The following EPHA5 variants were observed in gnomAD, a reference collection of about 807,000 sequenced individuals.
EPHA5 encodes EPH receptor A5, also known as ephrin type-A receptor 5.
In EPHA5, 60 loss-of-function variants were observed where a neutral mutation model predicts 105.0. The observed-to-expected ratio is 0.57, with a 90% CI of 0.46 to 0.71. The LOEUF is 0.71. Ranked by LOEUF, EPHA5 falls within the 30% of genes least tolerant of loss-of-function variation. The pLI is 0.00. For missense variants in EPHA5, 1,218 were observed against 1,274.7 expected (o/e 0.96, Z 0.68); for synonymous variants, 513 against 449.1 (o/e 1.14, Z -1.80).
chr4:65,391,263 A>C (rs985520982), intron 8 of EPHA5, among the ~76,000 whole-genome samples: 2 of 152,118 alleles, frequency 1.3e-5, no homozygotes, highest in Non-Finnish European at 2.9e-5. Context: ...CACTTGAAAT[A>C]GAATATGCTT....
At chr4:65,519,046 C>A (rs1734404275) in intron 3 of EPHA5, among the ~76,000 whole-genome samples, 1 of 152,068 alleles carries the variant, frequency 6.6e-6, no homozygotes, top group Non-Finnish European at 1.5e-5. Context: ...CCTTGATGAA[C>A]ATGGATGCAA....
intron 3 of EPHA5, among the ~76,000 whole-genome samples, chr4:65,556,137 G>A (rs1215077986): frequency 6.6e-6 from 1 of 152,120 alleles, no homozygotes; most frequent in Non-Finnish European, 1.5e-5. Context: ...TTCTGGTATG[G>A]ACACACATCT....
chr4:65,491,109 A>G lies in EPHA5; in HGVS notation c.1067-397T>C, dbSNP rs563281647. Reference sequence around the variant, plus strand: ...CCTGCAACCTACAAAGTAAACACAAAGTACCTACTAAGAAACAAGCATAGG... The same window carrying G: ...CCTGCAACCTACAAAGTAAACACAAGGTACCTACTAAGAAACAAGCATAGG... On this transcript the variant is annotated intron_variant, in intron 4 of 16. Coordinates refer to ENST00000613740, the MANE Select transcript of EPHA5 (RefSeq NM_001281766.3). 2.4e-3 allele frequency among the ~76,000 whole-genome samples: 364 copies of G among 152,198 alleles called. 2 individuals carry two copies. Among genetic ancestry groups the G allele is most frequent in the African/African-American group, 6.7e-3 (279 of 41,538 alleles).
intron 5 of EPHA5, among the ~76,000 whole-genome samples, chr4:65,471,272 A>G (rs1411977967): frequency 2.0e-5 from 3 of 152,212 alleles, no homozygotes; most frequent in Non-Finnish European, 4.4e-5. Context: ...CTTCTTTCTG[A>G]TGGATACCAA....
intron 5 of EPHA5, among the ~76,000 whole-genome samples, chr4:65,426,745 C>T (rs1418270322): frequency 6.6e-6 from 1 of 152,162 alleles, no homozygotes; most frequent in Non-Finnish European, 1.5e-5. Flanking sequence ...CTTTATTTAT[C>T]TGTAACCTCT....
intron 5 of EPHA5, among the ~76,000 whole-genome samples, chr4:65,465,528 A>G (rs184227744): frequency 2.8e-4 from 21 of 76,360 alleles, no homozygotes; most frequent in Middle Eastern, 6.8e-3. Context: ...AGAAAGAAAG[A>G]AAAGAAAGGA....
At chr4:65,592,381 G>A (rs538071059) in intron 3 of EPHA5, among the ~76,000 whole-genome samples, 3 of 152,100 alleles carry the variant, frequency 2.0e-5, no homozygotes, top group African/African-American at 7.2e-5. Flanking sequence ...GGGAAACAAG[G>A]CAACTTGAAT....
chr4:65,636,437 T>A (rs918482675), intron 2 of EPHA5, among the ~76,000 whole-genome samples: 2 of 152,218 alleles, frequency 1.3e-5, no homozygotes, highest in East Asian at 3.9e-4. Flanking sequence ...AATCAGGACG[T>A]TGGATGACCT....
intron 3 of EPHA5, among the ~76,000 whole-genome samples, chr4:65,526,401 C>T (rs947213219): frequency 2.6e-5 from 4 of 151,440 alleles, no homozygotes; most frequent in Non-Finnish European, 5.9e-5. Flanking sequence ...ATGTTCCAGC[C>T]TCATATATAA....
chr4:65,483,878 A>C (rs1451818394), intron 5 of EPHA5, among the ~76,000 whole-genome samples: 1 of 152,126 alleles, frequency 6.6e-6, no homozygotes, highest in Non-Finnish European at 1.5e-5. Flanking sequence ...TCCTACAAAA[A>C]CAGTAAACAT....
chr4:65,637,301 A>C (rs1328609973), intron 2 of EPHA5, among the ~76,000 whole-genome samples: 2 of 151,662 alleles, frequency 1.3e-5, no homozygotes, highest in African/African-American at 4.8e-5. Flanking sequence ...ATATCAAAAA[A>C]ATGACTATTC....
chr4:65,627,023 C>T (rs1208660722), intron 2 of EPHA5, among the ~76,000 whole-genome samples: 1 of 152,154 alleles, frequency 6.6e-6, no homozygotes, highest in Non-Finnish European at 1.5e-5. Flanking sequence ...ACATACCCAA[C>T]ACTATATATA....
intron 2 of EPHA5, among the ~76,000 whole-genome samples, chr4:65,629,473 A>C (rs917143249): frequency 6.6e-6 from 1 of 152,198 alleles, no homozygotes; most frequent in Non-Finnish European, 1.5e-5. Context: ...TAAAGTCCCA[A>C]ATATACAAAT....
chr4:65,439,656 G>T lies in EPHA5; in HGVS notation c.1403-19091C>A, dbSNP rs2149082660. ...AGTAAGTATAAAGACAGACGACAGG[G>T]TATTTTAATTTGTCTTCTTAGGAGT... On this transcript the variant is annotated intron_variant, in intron 5 of 16. Coordinates refer to ENST00000613740, the MANE Select transcript of EPHA5 (RefSeq NM_001281766.3). 3.9e-5 allele frequency among the ~76,000 whole-genome samples: 6 copies of T among 151,964 alleles called. No individual in the cohort carries two copies. The South Asian group carries it at 1.3e-3, about 32-fold the overall frequency.
chr4:65,367,372 A>C lies in EPHA5; in HGVS notation c.1846T>G (p.Phe616Val). The C allele has an allele frequency of 6.2e-7, 1 of 1,611,782 alleles. No individual in the cohort carries two copies. The highest frequency in any genetic ancestry group is 2.2e-5 in the East Asian group (1 of 44,814). ...ATTTGCTTACTGTGCCCATTATGAAAATGCATCTTTTCCTCTTCTGGATCT... is the reference window on the plus strand; with the variant it reads ...ATTTGCTTACTGTGCCCATTATGAACATGCATCTTTTCCTCTTCTGGATCT... ...KQDPEEEKMH[F>V]HNGHIKLPGV... Residue 616 changes from phenylalanine to valine, a missense_variant, in exon 9 of 17, where the codon TTT becomes GTT. Transcript: ENST00000613740.
At chr4:65,478,419 T>C (rs2149180501) in intron 5 of EPHA5, among the ~76,000 whole-genome samples, 1 of 152,348 alleles carries the variant, frequency 6.6e-6, no homozygotes, top group East Asian at 1.9e-4. Flanking sequence ...AAATTACAAA[T>C]CTGTTTTCTA....
At chr4:65,401,895 G>GTC (rs1721865245) in intron 8 of EPHA5, among the ~76,000 whole-genome samples, 1 of 98,710 alleles carries the variant, frequency 1.0e-5, no homozygotes, top group Non-Finnish European at 1.8e-5. Context: ...ATTTGTGTAT[G>GTC]TGTGTGTGTG....
intron 5 of EPHA5, among the ~76,000 whole-genome samples, chr4:65,426,626 T>C (rs1469736290): frequency 6.6e-6 from 1 of 152,158 alleles, no homozygotes; most frequent in Non-Finnish European, 1.5e-5. Flanking sequence ...CTAACATGCA[T>C]AAATTATTTT....
chr4:65,378,980 G>A (rs1432838544), intron 8 of EPHA5, among the ~76,000 whole-genome samples: 1 of 151,664 alleles, frequency 6.6e-6, no homozygotes, highest in African/African-American at 2.4e-5. Context: ...ACAATTACTG[G>A]TTGTTAACAA....
Sources: allele counts gnomAD v4.1 joint callset (sites outside exome capture counted in the v4.1 genomes callset), GRCh38; gene constraint gnomAD v4.1.1; transcripts MANE v1.5; gene names NCBI Gene and HGNC (gene_info 2026-07-23, HGNC 2026-07-21).